The following PDE4D variants were observed in gnomAD, a reference collection of about 807,000 sequenced individuals.
PDE4D encodes the protein phosphodiesterase 4D, also known as 3',5'-cyclic-AMP phosphodiesterase 4D.
A neutral mutation model predicts 87.4 loss-of-function variants in PDE4D; 24 were observed. The ratio of observed to expected loss-of-function variants is 0.27; its 90% CI spans 0.20 to 0.39. The LOEUF (loss-of-function observed/expected upper bound fraction) is 0.39, where lower values mean the gene tolerates loss of function less well. PDE4D is among the 10% of genes least tolerant of loss of function. PDE4D has a pLI of 1.00. For missense variants in PDE4D, 714 were observed against 1,041.0 expected (o/e 0.69, Z 4.32); for synonymous variants, 384 against 383.2 (o/e 1.00, Z -0.02).
At chr5:59,998,245 T>G (rs1310834887) in intron 2 of PDE4D, among the ~76,000 whole-genome samples, 1 of 152,078 alleles carries the variant, frequency 6.6e-6, no homozygotes, top group Non-Finnish European at 1.5e-5. Context: ...TAACCCAATG[T>G]GAGGAATAGA....
At chr5:60,097,010 T>C (rs765111837) in intron 2 of PDE4D, among the ~76,000 whole-genome samples, 1 of 152,078 alleles carries the variant, frequency 6.6e-6, no homozygotes, top group Non-Finnish European at 1.5e-5. Flanking sequence ...GGATCTTGGA[T>C]GGACATTGTG....
chr5:60,214,966 C>T (rs1034096574), intron 1 of PDE4D, among the ~76,000 whole-genome samples: 1 of 152,140 alleles, frequency 6.6e-6, no homozygotes, highest in Admixed American at 6.5e-5. Context: ...TTCTTCCTCT[C>T]TCCCATGCTA....
intron 1 of PDE4D, among the ~76,000 whole-genome samples, chr5:60,309,089 G>C (rs769754810): frequency 1.3e-5 from 2 of 152,058 alleles, no homozygotes; most frequent in Non-Finnish European, 2.9e-5. Context: ...TGAGTTCTTG[G>C]TGGGAAACTG....
intron 2 of PDE4D, among the ~76,000 whole-genome samples, chr5:60,177,499 G>A (rs1784021180): frequency 6.6e-6 from 1 of 152,098 alleles, no homozygotes; most frequent in Admixed American, 6.6e-5. Context: ...TCAATTCTTA[G>A]AGGCAATGAA....
At chr5:59,234,270 A>G (rs1159568902) in intron 1 of PDE4D, among the ~76,000 whole-genome samples, 1 of 151,960 alleles carries the variant, frequency 6.6e-6, no homozygotes, top group East Asian at 1.9e-4. Context: ...AATTATGTGT[A>G]TTTTGTCTTT....
chr5:60,521,420 C>A (rs2150267172), intron 1 of PDE4D: 1 of 152,326 alleles, frequency 6.6e-6, no homozygotes, highest in East Asian at 1.9e-4. Flanking sequence ...CCTCTCCTTT[C>A]TGACATCATC....
At chr5:59,170,869 T>G (rs892083081) in intron 5 of PDE4D, among the ~76,000 whole-genome samples, 2 of 151,848 alleles carry the variant, frequency 1.3e-5, no homozygotes, top group African/African-American at 4.8e-5. Context: ...AACATGTGTA[T>G]ATATACTTTC....
chr5:59,177,600 C>T (rs181703743), intron 5 of PDE4D, among the ~76,000 whole-genome samples: 65 of 152,236 alleles, frequency 4.3e-4, no homozygotes, highest in African/African-American at 1.4e-3. Context: ...CCACAAAGCT[C>T]TCATGATAGA....
At chr5:60,485,165 G>A (rs1749038868) in intron 1 of PDE4D, among the ~76,000 whole-genome samples, 1 of 152,094 alleles carries the variant, frequency 6.6e-6, no homozygotes, top group Admixed American at 6.6e-5. Flanking sequence ...AGAAATGTAG[G>A]GCATTTAACT....
At chr5:60,390,798 G>A (rs771859370) in intron 1 of PDE4D, among the ~76,000 whole-genome samples, 19 of 151,918 alleles carry the variant, frequency 1.3e-4, no homozygotes, top group South Asian at 2.1e-4. Flanking sequence ...CATCCCTCCC[G>A]TGCCAGGAAC....
chr5:59,720,000 C>T (rs150939111), intron 1 of PDE4D, among the ~76,000 whole-genome samples: 1 of 152,278 alleles, frequency 6.6e-6, no homozygotes, highest in East Asian at 1.9e-4. Context: ...ATCCAACATA[C>T]CAAATCAGTG....
chr5:60,121,196 G>GATATATATAT (rs111720124), intron 2 of PDE4D, among the ~76,000 whole-genome samples: 6 of 148,440 alleles, frequency 4.0e-5, no homozygotes, highest in African/African-American at 1.5e-4. Context: ...ATATATAGGA[G>GATATATATAT]ATATATATAT....
chr5:59,569,174 C>G (rs1379533724), intron 1 of PDE4D, among the ~76,000 whole-genome samples: 1 of 152,174 alleles, frequency 6.6e-6, no homozygotes, highest in African/African-American at 2.4e-5. Flanking sequence ...ACAAACTCTT[C>G]TTCACATGTT....
At chr5:59,348,588 C>T (rs902868556) in intron 1 of PDE4D, among the ~76,000 whole-genome samples, 4 of 146,014 alleles carry the variant, frequency 2.7e-5, no homozygotes, top group African/African-American at 1.0e-4. Flanking sequence ...TTTAGCTCAA[C>T]ACAAAGCTTA....
rs535578872 is a variant in PDE4D, at chr5:59,778,346, GC to G, written c.455+114821del. On this transcript the variant is annotated intron_variant, in intron 1 of 14. Transcript: ENST00000340635. ...TGGATAACTGTAAAAGCAGGTATAT[GC>G]TTTTCTTTCTGGGGCTTCCCAAGAA... Among the ~76,000 whole-genome samples the G allele has an allele frequency of 2.8e-3, 434 of 152,316 alleles. 4 individuals carry two copies. The highest frequency in any genetic ancestry group is 0.01 in the African/African-American group (416 of 41,570).
In PDE4D at chr5:60,323,439, C is replaced by G. The variant is rs184082453; in HGVS notation, c.-89-137752G>C. ...TTGTTTAATCTATCACTGATTTCTTCCCTTACCTCCCAACTACATCTGATA... is the reference window on the plus strand; with the variant it reads ...TTGTTTAATCTATCACTGATTTCTTGCCTTACCTCCCAACTACATCTGATA... On this transcript the variant is annotated intron_variant, in intron 1 of 16. Transcript: ENST00000502484. Among the ~76,000 whole-genome samples the G allele has an allele frequency of 1.1e-3, 161 of 152,220 alleles. 1 individual carries two copies. The highest frequency in any genetic ancestry group is 3.1e-4 in the Non-Finnish European group (21 of 67,996).
chr5:59,334,646 C>T (rs943584460), intron 1 of PDE4D, among the ~76,000 whole-genome samples: 1 of 151,956 alleles, frequency 6.6e-6, no homozygotes, highest in African/African-American at 2.4e-5. Context: ...TGAGTATGTA[C>T]ACTGGGAAAA....
intron 1 of PDE4D, among the ~76,000 whole-genome samples, chr5:59,477,066 A>C (rs1175044054): frequency 6.6e-6 from 1 of 151,972 alleles, no homozygotes; most frequent in African/African-American, 2.4e-5. Flanking sequence ...TATCAAATTC[A>C]AGAATTTGAA....
intron 5 of PDE4D, among the ~76,000 whole-genome samples, chr5:59,087,600 A>G (rs1208256054): frequency 2.6e-5 from 4 of 152,326 alleles, no homozygotes; most frequent in Non-Finnish European, 5.9e-5. Flanking sequence ...GTCCTTGAGA[A>G]AGATCATCAA....
Sources: gnomAD v4.1 joint callset for allele counts (sites outside exome capture counted in the v4.1 genomes callset) on GRCh38, gnomAD v4.1.1 for gene constraint, MANE v1.5 for transcripts, NCBI Gene and HGNC (gene_info 2026-07-23, HGNC 2026-07-21) for gene names.